The following FSHR variants were observed in gnomAD, a reference collection of about 807,000 sequenced individuals.
FSHR encodes the protein follicle-stimulating hormone receptor.
Under a neutral mutation model 52.1 loss-of-function variants are expected in FSHR, and 46 were observed. The observed-to-expected ratio is 0.88, with a 90% confidence interval of 0.70 to 1.13. The LOEUF (loss-of-function observed/expected upper bound fraction) is 1.13, where lower values mean the gene tolerates loss of function less well. Among genes scored for constraint, FSHR ranks in the 50% most tolerant of loss-of-function variants. FSHR has a pLI of 0.00. For synonymous variants in FSHR, 399 were observed against 309.6 expected, an observed-to-expected ratio of 1.29 and a Z score of -3.03; for missense variants, 964 against 834.6, an observed-to-expected ratio of 1.16 and a Z score of -1.91.
At chr2:49,005,480 T>C (rs775862294) in intron 4 of FSHR, among the ~76,000 whole-genome samples, 1 of 152,152 alleles carries the variant, frequency 6.6e-6, no homozygotes, top group Non-Finnish European at 1.5e-5. Context: ...AGCCAGGAGA[T>C]GGCTAATAAT....
chr2:49,136,536 A>G (rs540940440), intron 1 of FSHR, among the ~76,000 whole-genome samples: 31 of 152,278 alleles, frequency 2.0e-4, no homozygotes, highest in African/African-American at 7.0e-4. Flanking sequence ...CTCAGATACC[A>G]AAAGCAGACA....
chr2:49,119,297 C>T (rs569836963), intron 1 of FSHR, among the ~76,000 whole-genome samples: 21 of 152,078 alleles, frequency 1.4e-4, no homozygotes, highest in South Asian at 4.2e-4. Context: ...GGGCAAATTT[C>T]GGTTACATAT....
chr2:48,995,187 C>T (rs141301982), intron 4 of FSHR, among the ~76,000 whole-genome samples: 1 of 152,136 alleles, frequency 6.6e-6, no homozygotes, highest in African/African-American at 2.4e-5. Flanking sequence ...AATAAAATCT[C>T]TGTTTTATCC....
intron 1 of FSHR, among the ~76,000 whole-genome samples, chr2:49,149,229 G>A (rs1359060634): frequency 6.6e-6 from 1 of 151,924 alleles, no homozygotes; most frequent in Non-Finnish European, 1.5e-5. Flanking sequence ...GTAATCCATT[G>A]TTTTATCTTC....
At chr2:48,964,562 T>C (rs2103995711) in intron 9 of FSHR, among the ~76,000 whole-genome samples, 1 of 152,332 alleles carries the variant, frequency 6.6e-6, no homozygotes, top group Admixed American at 6.5e-5. Flanking sequence ...TTCTTTATTA[T>C]CTCACTTTCT....
At chr2:49,093,557 A>G (rs1028609074) in intron 1 of FSHR, among the ~76,000 whole-genome samples, 1 of 144,506 alleles carries the variant, frequency 6.9e-6, no homozygotes, top group Non-Finnish European at 1.5e-5. Context: ...CTCTTTTTTC[A>G]TCCTTTTATT....
chr2:49,090,964 T>A (rs1670584471), intron 1 of FSHR, among the ~76,000 whole-genome samples: 2 of 152,124 alleles, frequency 1.3e-5, no homozygotes, highest in African/African-American at 4.8e-5. Context: ...ATTTTTTTTC[T>A]TGTTTTCTTT....
In FSHR at chr2:49,091,671, G is replaced by A. The variant is rs574778852; in HGVS notation, c.153-23381C>T. Among the ~76,000 whole-genome samples the A allele has an allele frequency of 5.9e-5, 9 of 152,220 alleles. No homozygotes were observed. The East Asian group carries it at 1.2e-3, about 20-fold the overall frequency. On this transcript the variant is annotated intron_variant, in intron 1 of 9. Coordinates refer to ENST00000406846, the MANE Select transcript of FSHR (RefSeq NM_000145.4). Reference sequence around the variant, plus strand: ...TACTATCCTTTTGCTGATGAATTACGTTAGATTTCTGTCAAAAATTAATTA... The same window carrying A: ...TACTATCCTTTTGCTGATGAATTACATTAGATTTCTGTCAAAAATTAATTA...
intron 2 of FSHR, among the ~76,000 whole-genome samples, chr2:49,055,531 C>CAAAAAA (rs75665223): frequency 2.3e-4 from 12 of 51,142 alleles, no homozygotes; most frequent in Non-Finnish European, 3.4e-4. Flanking sequence ...CCAGGAAGCT[C>CAAAAAA]AAAAAAAAAA....
chr2:49,038,672 A>C (rs1668381449), intron 2 of FSHR, among the ~76,000 whole-genome samples: 1 of 146,520 alleles, frequency 6.8e-6, no homozygotes, highest in Non-Finnish European at 1.5e-5. Flanking sequence ...TAATAATAAT[A>C]CTGGTTTAGG....
chr2:49,035,483 G>A (rs998311109), intron 2 of FSHR, among the ~76,000 whole-genome samples: 6 of 152,162 alleles, frequency 3.9e-5, no homozygotes, highest in Non-Finnish European at 8.8e-5. Context: ...TTTGGATCCA[G>A]AGGCCTCTGT....
chr2:48,973,900 G>T (rs369666744), intron 8 of FSHR, among the ~76,000 whole-genome samples: 205 of 152,252 alleles, frequency 1.3e-3, no homozygotes, highest in African/African-American at 4.7e-3. Flanking sequence ...ATGTATGTTT[G>T]TTTGTCTCCT....
intron 1 of FSHR, among the ~76,000 whole-genome samples, chr2:49,147,884 T>C (rs13022022): frequency 0.3 from 45,938 of 151,768 alleles, 7,219 homozygotes; most frequent in East Asian, 0.47. Context: ...GTGAACGCTG[T>C]GCTGTTTGTT....
In FSHR at chr2:49,028,478, T is replaced by C. The variant is rs542295316; in HGVS notation, c.225-8318A>G. Among the ~76,000 whole-genome samples, 594 of 152,358 alleles carry C rather than the reference T, an allele frequency of 3.9e-3. 4 individuals are homozygous for C. Among genetic ancestry groups the C allele is most frequent in the African/African-American group, 0.013 (543 of 41,576 alleles). On this transcript the variant is annotated intron_variant, in intron 2 of 9. Transcript: ENST00000406846. Reference sequence around the variant, plus strand: ...GTCAATTAATATGCATGACATTTATTTTAATGGGAATAATTATCCACCTGT... The same window carrying C: ...GTCAATTAATATGCATGACATTTATCTTAATGGGAATAATTATCCACCTGT...
intron 1 of FSHR, among the ~76,000 whole-genome samples, chr2:49,138,080 G>A (rs990800385): frequency 2.0e-5 from 3 of 152,086 alleles, no homozygotes; most frequent in Non-Finnish European, 2.9e-5. Context: ...TAGAAATTTA[G>A]GGGAGAGATA....
At chr2:49,045,584 A>G (rs1384327577) in intron 2 of FSHR, among the ~76,000 whole-genome samples, 1 of 152,204 alleles carries the variant, frequency 6.6e-6, no homozygotes, top group African/African-American at 2.4e-5. Context: ...AAGAAAGCCA[A>G]TAAGTCTAGT....
intron 1 of FSHR, among the ~76,000 whole-genome samples, chr2:49,104,904 C>T (rs1287404653): frequency 1.3e-5 from 2 of 152,004 alleles, no homozygotes; most frequent in Non-Finnish European, 1.5e-5. Flanking sequence ...AGAGAGGAGA[C>T]CACCCTTCTA....
intron 4 of FSHR, among the ~76,000 whole-genome samples, chr2:49,008,422 A>G (rs1667147310): frequency 6.6e-6 from 1 of 150,760 alleles, no homozygotes; most frequent in Admixed American, 6.6e-5. Flanking sequence ...AATCCAGTCT[A>G]TCATTGTTGG....
intron 2 of FSHR, among the ~76,000 whole-genome samples, chr2:49,038,626 AAATAATAATAATAATAATAAT>A (rs56326531): frequency 1.4e-5 from 1 of 70,602 alleles, no homozygotes; most frequent in Non-Finnish European, 3.0e-5. Context: ...CTCTGTCTCA[AAATAATAATAATAATAATAAT>A]AATAATAATA....
Sources: gnomAD v4.1 joint callset for allele counts (sites outside exome capture counted in the v4.1 genomes callset) on GRCh38, gnomAD v4.1.1 for gene constraint, MANE v1.5 for transcripts, NCBI Gene and HGNC (gene_info 2026-07-23, HGNC 2026-07-21) for gene names.